The following CMPK1 variants were observed in gnomAD, a reference collection of about 807,000 sequenced individuals.
The protein encoded by CMPK1 is cytidine/uridine monophosphate kinase 1.
Under a neutral mutation model 25.7 loss-of-function variants are expected in CMPK1, and 10 were observed. That is an observed-to-expected ratio of 0.39 (90% confidence interval 0.24 to 0.66). CMPK1 has a LOEUF of 0.66. Ranked by LOEUF, CMPK1 falls within the 30% of genes least tolerant of loss-of-function variation. The probability of loss-of-function intolerance (pLI) is 0.48; values close to 1 mark genes in which losing one functional copy is unlikely to be tolerated. For missense variants in CMPK1, 199 were observed against 280.5 expected (o/e 0.71, Z 2.08); for synonymous variants, 106 against 101.5 (o/e 1.04, Z -0.27).
chr1:47,364,528 A>G (rs1344766364), intron 1 of CMPK1, among the ~76,000 whole-genome samples: 1 of 151,582 alleles, frequency 6.6e-6, no homozygotes, highest in South Asian at 2.1e-4. Flanking sequence ...CATGTTAGCC[A>G]GGATGGTCTT....
At chr1:47,356,451 G>A (rs1178230302) in intron 1 of CMPK1, among the ~76,000 whole-genome samples, 1 of 152,018 alleles carries the variant, frequency 6.6e-6, no homozygotes, top group Non-Finnish European at 1.5e-5. Flanking sequence ...GTCCTCATTT[G>A]TAGTTATTAA....
intron 1 of CMPK1, chr1:47,358,410 G>C: frequency 1.6e-6 from 2 of 1,227,522 alleles, no homozygotes; most frequent in Admixed American, 3.2e-5. Context: ...ACAGTGCGTA[G>C]TCCCTGTTTT....
intron 1 of CMPK1, among the ~76,000 whole-genome samples, chr1:47,335,175 A>G (rs1022525867): frequency 2.6e-5 from 4 of 152,150 alleles, no homozygotes; most frequent in African/African-American, 9.7e-5. Context: ...TAGAACTTAT[A>G]ATTTCCTCCT....
At chr1:47,376,500 GA>G (rs1201964727) in intron 5 of CMPK1, among the ~76,000 whole-genome samples, 1 of 152,030 alleles carries the variant, frequency 6.6e-6, no homozygotes, top group Non-Finnish European at 1.5e-5. Context: ...ATTTTTAGTA[GA>G]GACGGGGTTT....
At chr1:47,365,679 T>G (rs181196496) in intron 1 of CMPK1, among the ~76,000 whole-genome samples, 56 of 149,690 alleles carry the variant, frequency 3.7e-4, no homozygotes, top group Admixed American at 1.4e-3. Context: ...GATGGTTTGA[T>G]ATTTGACCCC....
intron 1 of CMPK1, among the ~76,000 whole-genome samples, chr1:47,340,887 T>G (rs1037556826): frequency 2.0e-5 from 3 of 152,232 alleles, no homozygotes; most frequent in African/African-American, 7.2e-5. Flanking sequence ...TCCGCCCGCC[T>G]CAGCCTCCCA....
chr1:47,357,521 A>G (rs186108514), intron 1 of CMPK1, among the ~76,000 whole-genome samples: 17 of 137,018 alleles, frequency 1.2e-4, no homozygotes, highest in Admixed American at 3.2e-4. Context: ...GTTTCGCTCT[A>G]TTGCCTTGGC....
chr1:47,353,049 G>C (rs759029291), intron 1 of CMPK1, among the ~76,000 whole-genome samples: 36 of 152,166 alleles, frequency 2.4e-4, no homozygotes, highest in Non-Finnish European at 4.6e-4. Context: ...TGTTATCTAA[G>C]CAGTGATTGA....
intron 2 of CMPK1, among the ~76,000 whole-genome samples, chr1:47,369,316 A>C (rs1646660721): frequency 6.6e-6 from 1 of 151,772 alleles, no homozygotes; most frequent in South Asian, 2.1e-4. Context: ...CAGAGTATTG[A>C]ATTTCTTGCT....
intron 1 of CMPK1, among the ~76,000 whole-genome samples, chr1:47,347,821 G>A (rs1200110655): frequency 1.3e-5 from 2 of 152,140 alleles, no homozygotes; most frequent in Admixed American, 6.5e-5. Context: ...AGTAGAGACG[G>A]CATTTCACCA....
chr1:47,368,438 C>A (rs1646654177), intron 1 of CMPK1, 31 bp from the exon 2 acceptor site: 1 of 1,560,954 alleles, frequency 6.4e-7, no homozygotes, highest in Non-Finnish European at 8.7e-7. Flanking sequence ...TGAATGAATT[C>A]TGATATTTTT....
At chr1:47,363,976 A>G (rs1267409818) in intron 1 of CMPK1, among the ~76,000 whole-genome samples, 2 of 152,004 alleles carry the variant, frequency 1.3e-5, no homozygotes, top group Admixed American at 1.3e-4. Context: ...CAGATAATAG[A>G]CTTACATAAA....
At chr1:47,360,935 T>G (rs541183033) in intron 1 of CMPK1, among the ~76,000 whole-genome samples, 1 of 152,230 alleles carries the variant, frequency 6.6e-6, no homozygotes, top group African/African-American at 2.4e-5. Context: ...AGGTTGGGTT[T>G]TATGCTTCAC....
intron 1 of CMPK1, among the ~76,000 whole-genome samples, chr1:47,343,124 A>G (rs1646454051): frequency 6.7e-6 from 1 of 149,070 alleles, no homozygotes; most frequent in African/African-American, 2.5e-5. Context: ...GTAGCTGAGA[A>G]TACAGGCACA....
At chr1:47,362,454 C>T (rs1299726385) in intron 1 of CMPK1, among the ~76,000 whole-genome samples, 1 of 151,822 alleles carries the variant, frequency 6.6e-6, no homozygotes, top group Non-Finnish European at 1.5e-5. Context: ...AGGCATAAAC[C>T]ACCACGCCCA....
rs1211067639 is a variant in CMPK1, at chr1:47,333,805, C to G, written c.-141C>G. The G allele has an allele frequency of 3.3e-6, 1 of 306,692 alleles. No homozygotes were observed. The highest frequency in any genetic ancestry group is 4.8e-6 in the Non-Finnish European group (1 of 208,874). The allele number at this position is 306,692 out of a possible 1,614,324, so 19.0% of individuals were successfully genotyped here. ...GAAGCTCCTCCCCTTCCGACAGGGCCGCGGACGCCCGGGCAGCCACGGCGG... is the reference window on the plus strand; with the variant it reads ...GAAGCTCCTCCCCTTCCGACAGGGCGGCGGACGCCCGGGCAGCCACGGCGG... On this transcript the variant is annotated 5_prime_UTR_variant, in exon 1 of 6. Coordinates refer to ENST00000371873, the MANE Select transcript of CMPK1 (RefSeq NM_016308.3).
chr1:47,370,060 G>C (rs906866697), intron 2 of CMPK1, among the ~76,000 whole-genome samples: 1 of 151,516 alleles, frequency 6.6e-6, no homozygotes, highest in Non-Finnish European at 1.5e-5. Flanking sequence ...GAGTACAGGC[G>C]CCCGCCATCA....
chr1:47,364,100 A>C (rs1361753726), intron 1 of CMPK1, among the ~76,000 whole-genome samples: 3 of 152,014 alleles, frequency 2.0e-5, no homozygotes, highest in Non-Finnish European at 4.4e-5. Flanking sequence ...GTTTGGGTGA[A>C]GGTGGATTGT....
chr1:47,359,625 G>C (rs1341910931), intron 1 of CMPK1, among the ~76,000 whole-genome samples: 2 of 151,962 alleles, frequency 1.3e-5, no homozygotes, highest in East Asian at 3.9e-4. Flanking sequence ...CTGACCTCAA[G>C]TGATCCACCC....
Sources: allele counts gnomAD v4.1 joint callset (sites outside exome capture counted in the v4.1 genomes callset), GRCh38; gene constraint gnomAD v4.1.1; transcripts MANE v1.5; gene names NCBI Gene and HGNC (gene_info 2026-07-23, HGNC 2026-07-21).